Variants in SECTM1 observed in about 807,000 individuals in gnomAD.
SECTM1 encodes secreted and transmembrane protein 1.
Under a neutral mutation model 18.1 loss-of-function variants are expected in SECTM1, and 10 were observed. The ratio of observed to expected loss-of-function variants is 0.55; its 90% CI spans 0.34 to 0.94. SECTM1 has a LOEUF of 0.94. SECTM1 is among the 40% of genes least tolerant of loss of function. SECTM1 has a pLI of 0.02. For synonymous variants in SECTM1, 137 were observed against 139.2 expected, an observed-to-expected ratio of 0.98 and a Z score of 0.11; for missense variants, 297 against 322.6, an observed-to-expected ratio of 0.92 and a Z score of 0.61.
At chr17:82,333,945 GC>G (rs1036118628), upstream of SECTM1, 1 of 152,294 alleles carries the variant, frequency 6.6e-6, no homozygotes, top group African/African-American at 2.4e-5. Context: ...CGCGGTTCAC[GC>G]TAAAGGAAGC....
chr17:82,331,295 C>A (rs1005309362), intron 1 of SECTM1, among the ~76,000 whole-genome samples: 5 of 152,140 alleles, frequency 3.3e-5, no homozygotes, highest in African/African-American at 1.2e-4. Context: ...GGGAGGAGAG[C>A]GGCAGGTCTG....
chr17:82,322,964 C>T lies in SECTM1; in HGVS notation c.451G>A (p.Ala151Thr). ...AGGATGAAGACAGCAGTGACCACCG[C>T]TGGCACAGGCCAGAACCCAGTGTCG... The part of the protein sequence containing the change: ...APDTGFWPVP[A>T]VVTAVFILLV... The change falls in exon 4 of 5, where the codon GCG becomes ACG. Residue 151 changes from alanine (A) to threonine (T), a missense_variant. By Grantham distance (58) the Ala-to-Thr change is moderately conservative. Coordinates refer to ENST00000269389, the MANE Select transcript of SECTM1 (RefSeq NM_003004.3). 1 of 1,613,868 alleles carries T rather than the reference C, an allele frequency of 6.2e-7. No individual in the cohort carries two copies. The highest frequency in any genetic ancestry group is 8.5e-7 in the Non-Finnish European group (1 of 1,179,948).
chr17:82,323,554 G>T (rs1192107505), intron 3 of SECTM1, among the ~76,000 whole-genome samples: 1 of 151,844 alleles, frequency 6.6e-6, no homozygotes, highest in African/African-American at 2.4e-5. Context: ...GGGAGGGGAG[G>T]GGTGGGGAGT....
In SECTM1 at chr17:82,326,256, C is replaced by T. The variant is rs907387252; in HGVS notation, c.94+891G>A. The stretch of plus-strand genomic sequence containing the variant: ...TTTTTGTTCGTTCTTAGGATTCTGA[C>T]TGAACTGCTTTGGGATGTGGTTTGG... On this transcript the variant is annotated intron_variant, in intron 2 of 4. Coordinates refer to ENST00000269389, the MANE Select transcript of SECTM1 (RefSeq NM_003004.3). This position sits in a 1 kb window ranked among gnomAD's most constrained non-coding sequence, Gnocchi z 4.3. 1.3e-5 allele frequency among the ~76,000 whole-genome samples: 2 copies of T among 152,188 alleles called. No individual in the cohort carries two copies. The highest frequency in any genetic ancestry group is 2.9e-5 in the Non-Finnish European group (2 of 68,034).
rs974108172 is a variant in SECTM1, at chr17:82,323,287, C to T, written c.404-276G>A. 1.3e-4 allele frequency: 56 copies of T among 446,560 alleles called. 1 individual carries two copies. The East Asian group carries it at 1.7e-3, about 14-fold the overall frequency. The allele number at this position is 446,560 out of a possible 1,614,324, so 27.7% of individuals were successfully genotyped here. On this transcript the variant is annotated intron_variant, in intron 3 of 4. Coordinates refer to ENST00000269389, the MANE Select transcript of SECTM1 (RefSeq NM_003004.3). ...GATGTGCCAGGTCCCAGGAGCTGCGCGCTGGCCCGGTCCTTCAGGCCTCGG... is the reference window on the plus strand; with the variant it reads ...GATGTGCCAGGTCCCAGGAGCTGCGTGCTGGCCCGGTCCTTCAGGCCTCGG...
rs777138387 is a variant in SECTM1, at chr17:82,324,665, G to A, written c.320C>T (p.Ala107Val). ...GGVAQLVIKGARDSHAGLYMW... is the reference protein window; with the variant it reads ...GGVAQLVIKGVRDSHAGLYMW... ...GTACAGCCCAGCATGGGAGTCCCGG[G>A]CGCCTTTGATCACCAGCTGTGCCAC... The change falls in exon 3 of 5, where the codon GCC (alanine) becomes GTC (valine). Residue 107 changes from alanine (A) to valine (V), a missense_variant. Transcript: ENST00000269389. The A allele has an allele frequency of 3.7e-6, 6 of 1,614,016 alleles. No individual in the cohort carries two copies. The highest frequency in any genetic ancestry group is 5.1e-6 in the Non-Finnish European group (6 of 1,180,010).
intron 3 of SECTM1, 78 bp downstream of exon 3, chr17:82,324,504 T>TG: frequency 2.7e-5 from 23 of 843,476 alleles, no homozygotes; most frequent in East Asian, 3.6e-5. Context: ...GTCTCAGCCC[T>TG]CCCCCTGCCC....
intron 3 of SECTM1, among the ~76,000 whole-genome samples, chr17:82,324,226 G>A (rs981002391): frequency 6.6e-6 from 1 of 152,020 alleles, no homozygotes; most frequent in African/African-American, 2.4e-5. Context: ...TGGCTGCAGG[G>A]TGCAGCCCCC....
At position 82,326,722 on chromosome 17, in the gene SECTM1, A is replaced by G. The variant is rs1236431042; in HGVS notation, c.94+425T>C. 6.6e-6 allele frequency among the ~76,000 whole-genome samples: 1 copy of G among 151,992 alleles called. No homozygotes were observed. The highest frequency in any genetic ancestry group is 1.9e-4 in the East Asian group (1 of 5,192). On this transcript the variant is annotated intron_variant, in intron 2 of 4. Transcript: ENST00000269389. This position sits in a 1 kb window ranked among gnomAD's most constrained non-coding sequence, Gnocchi z 4.3. ...GGGGACCCTGTTCAAATGCAGATCC[A>G]CTCCTGGCAGGCCTGAGGTGCGCCT...
rs544649676 is a variant in SECTM1, at chr17:82,330,743, C to T, written c.-53+2957G>A. 7.2e-5 allele frequency among the ~76,000 whole-genome samples: 11 copies of T among 152,274 alleles called. No individual in the cohort carries two copies. In the East Asian group the frequency reaches 1.7e-3, roughly 24 times the overall value. On this transcript the variant is annotated intron_variant, in intron 1 of 4. Transcript: ENST00000269389. The surrounding 1 kb of genome is among the most constrained non-coding windows in gnomAD (Gnocchi z 6.1). Reference sequence around the variant, plus strand: ...ATGCCTCTGCCACCGAGGGTGGACCCTGCAGTGCTGGCTCCTAGCCTCCCT... The same window carrying T: ...ATGCCTCTGCCACCGAGGGTGGACCTTGCAGTGCTGGCTCCTAGCCTCCCT...
In SECTM1 at chr17:82,322,376, G is replaced by A. The variant is rs771381496; in HGVS notation, c.538-6C>T. 3.7e-6 allele frequency: 6 copies of A among 1,613,282 alleles called. No individual in the cohort carries two copies. The East Asian group carries it at 8.9e-5, about 24-fold the overall frequency. On this transcript the variant is annotated splice_polypyrimidine_tract_variant and splice_region_variant and intron_variant, in intron 4 of 4. Coordinates refer to ENST00000269389, the MANE Select transcript of SECTM1 (RefSeq NM_003004.3). ...TCTAGGAGGAAGAACTTCTTCTGCA[G>A]GGGGAGGAAGGAGGTGCCTGTGTGA... is the stretch of plus-strand genomic sequence containing the variant.
rs774943942 is a variant in SECTM1, at chr17:82,322,294, G to A, written c.614C>T (p.Ala205Val). ...GTCTGGGGTCCACAGTTCAGCGGAG[G>A]CTCTGCTCAGGCCCTGCTGGGCTCC... ...RAGAQQGLSR[A>V]SAELWTPDSE... is the part of the protein sequence containing the mutation. Residue 205 changes from alanine (A) to valine (V), a missense_variant, in exon 5 of 5, where the codon GCC (alanine) becomes GTC (valine). Transcript: ENST00000269389. 6 of 1,612,812 alleles carry A rather than the reference G, an allele frequency of 3.7e-6. No homozygotes were observed. The highest frequency in any genetic ancestry group is 5.1e-6 in the Non-Finnish European group (6 of 1,179,310).
In SECTM1 at chr17:82,322,055, C is replaced by G; in HGVS notation, c.*106G>C. On this transcript the variant is annotated 3_prime_UTR_variant, in exon 5 of 5. Coordinates refer to ENST00000269389, the MANE Select transcript of SECTM1 (RefSeq NM_003004.3). ...TGACACAGAGGCCCAGCCTGCCAAGCAAGCCGGTGTCTGTGCCCTCCGGGT... is the reference window on the plus strand; with the variant it reads ...TGACACAGAGGCCCAGCCTGCCAAGGAAGCCGGTGTCTGTGCCCTCCGGGT... 2.7e-6 allele frequency: 3 copies of G among 1,111,848 alleles called. No homozygotes were observed. In the South Asian group the frequency reaches 4.0e-5, roughly 15 times the overall value. 68.9% of individuals were successfully genotyped at this position (1,111,848 alleles called of 1,614,324 possible). A position where few individuals can be genotyped will look rare whatever the true frequency, so the allele number is the denominator to read the frequency against.
At chr17:82,324,438 C>T (rs1426491461) in intron 3 of SECTM1, 144 bp downstream of exon 3, 2 of 881,946 alleles carry the variant, frequency 2.3e-6, no homozygotes, top group Admixed American at 2.6e-5. Context: ...ACCCGCCAAC[C>T]CTGTCTCCTG....
chr17:82,322,739 A>G, intron 4 of SECTM1, 139 bp downstream of exon 4: 1 of 1,097,050 alleles, frequency 9.1e-7, no homozygotes, highest in East Asian at 2.6e-5. Flanking sequence ...CCTGGCGGGG[A>G]CTGGCTCTCT....
chr17:82,333,840 G>A (rs979061898), upstream of SECTM1: 1 of 152,322 alleles, frequency 6.6e-6, no homozygotes, highest in Non-Finnish European at 1.5e-5. Flanking sequence ...TGAGGAAGGA[G>A]CTGGGTTTAC....
At chr17:82,323,240 G>A (rs999788292) in intron 3 of SECTM1, 8 of 557,676 alleles carry the variant, frequency 1.4e-5, no homozygotes, top group Admixed American at 1.3e-4. Flanking sequence ...TGTCGGGGCA[G>A]CGAGGGAAAC....
At chr17:82,331,389 G>A (rs1054602925) in intron 1 of SECTM1, among the ~76,000 whole-genome samples, 2 of 152,146 alleles carry the variant, frequency 1.3e-5, no homozygotes, top group Admixed American at 1.3e-4. Context: ...TTGGGTTGCT[G>A]TGGGAATTTG....
At chr17:82,327,968 C>T (rs1188343284) in intron 1 of SECTM1, among the ~76,000 whole-genome samples, 1 of 142,566 alleles carries the variant, frequency 7.0e-6, no homozygotes, top group African/African-American at 2.6e-5. Flanking sequence ...TGCCCGTCCA[C>T]CGGCCTCCCC....
Sources: allele counts gnomAD v4.1 joint callset (sites outside exome capture counted in the v4.1 genomes callset), GRCh38; gene constraint gnomAD v4.1.1; non-coding constraint Gnocchi (gnomAD v3.1); transcripts MANE v1.5; gene names NCBI Gene and HGNC (gene_info 2026-07-23, HGNC 2026-07-21).